Variants in USP6NL observed in about 807,000 individuals in gnomAD.
USP6NL encodes USP6 N-terminal-like protein.
Under a neutral mutation model 61.9 loss-of-function variants are expected in USP6NL, and 26 were observed. The observed-to-expected ratio is 0.42, with a 90% confidence interval of 0.31 to 0.58. The LOEUF is 0.58. USP6NL is among the 20% of genes least tolerant of loss of function. The pLI is 0.16. For missense variants in USP6NL, 1,114 were observed against 1,034.3 expected (o/e 1.08, Z -1.06); for synonymous variants, 432 against 390.1 (o/e 1.11, Z -1.27).
intron 2 of USP6NL, among the ~76,000 whole-genome samples, chr10:11,567,633 A>G (rs989534374): frequency 2.0e-5 from 3 of 152,268 alleles, no homozygotes; most frequent in African/African-American, 7.2e-5. Context: ...AGAGCTCTGT[A>G]TTCTGTTCCA....
At position 11,493,111 on chromosome 10, in the gene USP6NL, T is replaced by G. The variant is rs189363978; in HGVS notation, c.494+8A>C. ...GATTAACATTTCATAATATTAAACT[T>G]TACTCACTTAACACCATATCTGTCT... is the stretch of plus-strand genomic sequence containing the variant. On this transcript the variant is annotated splice_region_variant and intron_variant, in intron 8 of 14. Coordinates refer to ENST00000609104, the MANE Select transcript of USP6NL (RefSeq NM_014688.5). The G allele has an allele frequency of 2.4e-4, 383 of 1,589,398 alleles. 1 individual carries two copies. The Middle Eastern group carries it at 3.1e-3, about 13-fold the overall frequency.
In USP6NL at chr10:11,470,155, G is replaced by A. The variant is rs542866482; in HGVS notation, c.1079-6306C>T. On this transcript the variant is annotated intron_variant, in intron 14 of 14. Coordinates refer to ENST00000609104, the MANE Select transcript of USP6NL (RefSeq NM_014688.5). This position sits in a 1 kb window ranked among gnomAD's most constrained non-coding sequence, Gnocchi z 5.4. ...AGGAGAGGTGAGGAAGAAGGAAGACGTGGCGGGGAGGTCACGGAAGGCAAG... is the reference window on the plus strand; with the variant it reads ...AGGAGAGGTGAGGAAGAAGGAAGACATGGCGGGGAGGTCACGGAAGGCAAG... Among the ~76,000 whole-genome samples the A allele has an allele frequency of 1.5e-4, 23 of 152,332 alleles. No homozygotes were observed. Among genetic ancestry groups the A allele is most frequent in the Middle Eastern group, 6.8e-3 (2 of 294 alleles).
chr10:11,463,107 T>C lies in USP6NL; in HGVS notation c.1821A>G (p.Val607=). ...SKVSNKFTFK[V]QPPSHARYPS... ...GATATCGTGCATGACTTGGAGGCTG[T>C]ACTTTAAAAGTAAACTTGTTGGATA... The change falls in exon 15 of 15, where the codon GTA becomes GTG. Residue 607 remains valine (V), a synonymous_variant. Transcript: ENST00000609104. The surrounding 1 kb of genome is among the most constrained non-coding windows in gnomAD (Gnocchi z 6.3). 1 of 1,614,024 alleles carries C rather than the reference T, an allele frequency of 6.2e-7. No homozygotes were observed. The highest frequency in any genetic ancestry group is 8.5e-7 in the Non-Finnish European group (1 of 1,179,900).
intron 8 of USP6NL, 81 bp downstream of exon 8, chr10:11,493,038 C>A: frequency 7.9e-7 from 1 of 1,265,244 alleles, no homozygotes; most frequent in South Asian, 1.3e-5. Context: ...AAATTACAGT[C>A]TATAAAGGCA....
At chr10:11,519,542 A>C (rs1392695951) in intron 4 of USP6NL, among the ~76,000 whole-genome samples, 2 of 152,196 alleles carry the variant, frequency 1.3e-5, no homozygotes, top group Admixed American at 1.3e-4. Flanking sequence ...ACACAGGAGA[A>C]TCGCTTGAAC....
chr10:11,566,207 AG>A (rs1837147510), intron 2 of USP6NL, among the ~76,000 whole-genome samples: 1 of 152,234 alleles, frequency 6.6e-6, no homozygotes, highest in African/African-American at 2.4e-5. Flanking sequence ...TTTAAGCTAG[AG>A]TGTGTGGCAG....
At chr10:11,568,194 T>C (rs1022454164) in intron 2 of USP6NL, among the ~76,000 whole-genome samples, 1 of 151,974 alleles carries the variant, frequency 6.6e-6, no homozygotes, top group Non-Finnish European at 1.5e-5. Context: ...CGTGCTTGTA[T>C]GCAAAGAGTA....
chr10:11,594,679 C>T (rs1004172576), intron 2 of USP6NL, among the ~76,000 whole-genome samples: 1 of 152,148 alleles, frequency 6.6e-6, no homozygotes, highest in Non-Finnish European at 1.5e-5. Flanking sequence ...TCGGGCCACA[C>T]TCTACACATA....
intron 2 of USP6NL, chr10:11,564,969 T>C (rs1422083543): frequency 1.3e-5 from 2 of 152,214 alleles, no homozygotes; most frequent in Non-Finnish European, 2.9e-5. Flanking sequence ...ATTTGACACT[T>C]GTACTGCCAT....
rs990293453 is a variant in USP6NL at position 11,598,471 on chromosome 10, T to C, written c.-83-754A>G. Reference sequence around the variant, plus strand: ...CTAAGATTTACTTTATAAATCTTCCTTTCTTAATTACTGTATTTCTAAAAT... The same window carrying C: ...CTAAGATTTACTTTATAAATCTTCCCTTCTTAATTACTGTATTTCTAAAAT... On this transcript the variant is annotated intron_variant, in intron 1 of 14. Coordinates refer to ENST00000609104, the MANE Select transcript of USP6NL (RefSeq NM_014688.5). This position sits in a 1 kb window ranked among gnomAD's most constrained non-coding sequence, Gnocchi z 4.7. 6.6e-6 allele frequency among the ~76,000 whole-genome samples: 1 copy of C among 152,208 alleles called. No individual in the cohort carries two copies. Among genetic ancestry groups the C allele is most frequent in the Non-Finnish European group, 1.5e-5 (1 of 68,038 alleles).
intron 1 of USP6NL, among the ~76,000 whole-genome samples, chr10:11,607,133 C>G (rs969775453): frequency 3.3e-5 from 5 of 152,014 alleles, no homozygotes; most frequent in African/African-American, 1.2e-4. Context: ...TTATTATAGG[C>G]CAATTCATTA....
At chr10:11,588,266 G>A (rs1184499802) in intron 2 of USP6NL, among the ~76,000 whole-genome samples, 1 of 152,214 alleles carries the variant, frequency 6.6e-6, no homozygotes, top group African/African-American at 2.4e-5. Context: ...TGTACTGGAG[G>A]AGCAAAATGC....
intron 6 of USP6NL, 61 bp from the exon 7 acceptor site, chr10:11,501,269 C>A (rs1327211568): frequency 9.4e-6 from 12 of 1,272,098 alleles, no homozygotes; most frequent in Non-Finnish European, 1.1e-5. Flanking sequence ...TTAGTCTCTA[C>A]AGTTAATCTT....
In USP6NL at chr10:11,489,033, C is replaced by G. The variant is rs2133255264; in HGVS notation, c.664+69G>C. ...TGCTGTATGTAACTCTTGCAAGCAT[C>G]TTTGGTTTTGTTTTAATCTACTTTT... On this transcript the variant is annotated intron_variant, in intron 10 of 14. Transcript: ENST00000609104. The surrounding 1 kb of genome is among the most constrained non-coding windows in gnomAD (Gnocchi z 5.7). The G allele has an allele frequency of 6.3e-7, 1 of 1,582,280 alleles. No individual in the cohort carries two copies. The highest frequency in any genetic ancestry group is 1.1e-5 in the South Asian group (1 of 86,980).
chr10:11,575,727 C>T lies in USP6NL; in HGVS notation c.4+21904G>A, dbSNP rs1837515759. On this transcript the variant is annotated intron_variant, in intron 2 of 14. Coordinates refer to ENST00000609104, the MANE Select transcript of USP6NL (RefSeq NM_014688.5). The surrounding 1 kb of genome is among the most constrained non-coding windows in gnomAD (Gnocchi z 4.2). ...TTCTTGTTTCTCTCATTTTTCATCACACATTGCATCAGTAAGAATATCTGA... is the reference window on the plus strand; with the variant it reads ...TTCTTGTTTCTCTCATTTTTCATCATACATTGCATCAGTAAGAATATCTGA... Among the ~76,000 whole-genome samples, 1 of 152,168 alleles carries T rather than the reference C, an allele frequency of 6.6e-6. No homozygotes were observed. Among genetic ancestry groups the T allele is most frequent in the Admixed American group, 6.5e-5 (1 of 15,272 alleles).
At position 11,596,447 on chromosome 10, in the gene USP6NL, C is replaced by G. The variant is rs1307099756; in HGVS notation, c.4+1184G>C. ...CCATCCTGACTAACACGGTGAAACC[C>G]CGTCTCTACTAAAAATACAAAAAAA... On this transcript the variant is annotated intron_variant, in intron 2 of 14. Transcript: ENST00000609104. The surrounding 1 kb of genome is among the most constrained non-coding windows in gnomAD (Gnocchi z 4.1). Among the ~76,000 whole-genome samples, 1 of 151,922 alleles carries G rather than the reference C, an allele frequency of 6.6e-6. No individual in the cohort carries two copies. Among genetic ancestry groups the G allele is most frequent in the Non-Finnish European group, 1.5e-5 (1 of 67,990 alleles).
chr10:11,519,109 C>T (rs1835094945), intron 4 of USP6NL, among the ~76,000 whole-genome samples: 1 of 152,184 alleles, frequency 6.6e-6, no homozygotes, highest in African/African-American at 2.4e-5. Context: ...ACCACAGACA[C>T]TACGTAAATC....
chr10:11,497,565 A>G (rs1170930012), intron 7 of USP6NL, among the ~76,000 whole-genome samples: 1 of 152,240 alleles, frequency 6.6e-6, no homozygotes, highest in Non-Finnish European at 1.5e-5. Context: ...ATGCCTTAAA[A>G]TAAAAGTTAA....
In USP6NL at chr10:11,520,065, A is replaced by G; in HGVS notation, c.156-1491T>C. Among the ~76,000 whole-genome samples the G allele has an allele frequency of 6.6e-6, 1 of 152,242 alleles. No individual in the cohort carries two copies. On this transcript the variant is annotated intron_variant, in intron 4 of 14. Coordinates refer to ENST00000609104, the MANE Select transcript of USP6NL (RefSeq NM_014688.5). The surrounding 1 kb of genome is among the most constrained non-coding windows in gnomAD (Gnocchi z 5.2). The stretch of plus-strand genomic sequence containing the variant: ...AAGAATAACCGCCAAAAGAGATCTT[A>G]GAGTCCAAATCTCTCATTTCACAGA...
Sources: gnomAD v4.1 joint callset for allele counts (sites outside exome capture counted in the v4.1 genomes callset) on GRCh38, gnomAD v4.1.1 for gene constraint, Gnocchi (gnomAD v3.1) non-coding constraint, MANE v1.5 for transcripts, NCBI Gene and HGNC (gene_info 2026-07-23, HGNC 2026-07-21) for gene names.